The following PCDHA8 variants were observed in gnomAD, a reference collection of about 807,000 sequenced individuals.
PCDHA8 encodes protocadherin alpha 8, also known as protocadherin alpha-8.
In PCDHA8, 53 loss-of-function variants were observed where a neutral mutation model predicts 61.8. The ratio of observed to expected loss-of-function variants is 0.86; its 90% CI spans 0.69 to 1.08. The LOEUF (loss-of-function observed/expected upper bound fraction) is 1.08. Among genes scored for constraint, PCDHA8 ranks in the 50% least tolerant of loss-of-function variants. The pLI, the probability that PCDHA8 is intolerant of heterozygous loss-of-function variation, is 0.00. For synonymous variants in PCDHA8, 618 were observed against 556.6 expected, an observed-to-expected ratio of 1.11 and a Z score of -1.55; for missense variants, 1,293 against 1,245.0, an observed-to-expected ratio of 1.04 and a Z score of -0.58.
intron 1 of PCDHA8, chr5:140,968,417 G>T (rs1459159857): frequency 3.7e-6 from 6 of 1,614,036 alleles, no homozygotes; most frequent in Non-Finnish European, 5.1e-6. Flanking sequence ...GACTGTGGAG[G>T]CTCAGGACAA....
In PCDHA8 at chr5:140,984,898, A is replaced by G. The variant is rs551340383; in HGVS notation, c.2542+2335A>G. ...GTTACCATGAGAACTAAAGGAGAAA[A>G]AAAGAACTGAGCATAGTGCTTGACA... On this transcript the variant is annotated intron_variant, in intron 3 of 3. Transcript: ENST00000531613. Among the ~76,000 whole-genome samples, 21 of 152,282 alleles carry G rather than the reference A, an allele frequency of 1.4e-4. No individual in the cohort carries two copies. The South Asian group carries it at 4.4e-3, about 32-fold the overall frequency.
chr5:141,006,357 G>A (rs1296731156), intron 3 of PCDHA8, among the ~76,000 whole-genome samples: 1 of 151,914 alleles, frequency 6.6e-6, no homozygotes, highest in Middle Eastern at 3.4e-3. Context: ...GACTATAGGC[G>A]CCCACCACCA....
At chr5:140,936,681 T>G (rs781812048) in intron 1 of PCDHA8, among the ~76,000 whole-genome samples, 3 of 152,246 alleles carry the variant, frequency 2.0e-5, no homozygotes, top group African/African-American at 2.4e-5. Flanking sequence ...CTATTCTGTT[T>G]CATTGGTCAA....
chr5:140,855,819 C>T, intron 1 of PCDHA8: 1 of 524,234 alleles, frequency 1.9e-6, no homozygotes, highest in Non-Finnish European at 3.4e-6. Flanking sequence ...AAGTTGTGAA[C>T]TCATGGAATC....
At chr5:140,951,523 G>A (rs868992487) in intron 1 of PCDHA8, among the ~76,000 whole-genome samples, 1 of 151,994 alleles carries the variant, frequency 6.6e-6, no homozygotes, top group Non-Finnish European at 1.5e-5. Context: ...ATCTTACATG[G>A]CCGGTGCAGG....
At chr5:140,925,556 T>C (rs1421287870) in intron 1 of PCDHA8, among the ~76,000 whole-genome samples, 2 of 151,752 alleles carry the variant, frequency 1.3e-5, no homozygotes, top group African/African-American at 4.8e-5. Flanking sequence ...AAATGACAAG[T>C]TAATGGGTGC....
At chr5:140,858,708 T>C in intron 1 of PCDHA8, 1 of 547,182 alleles carries the variant, frequency 1.8e-6, no homozygotes, top group African/African-American at 1.9e-5. Context: ...AAATATGTGA[T>C]ATAGGTTGCA....
At chr5:140,967,198 C>T (rs2096112626) in intron 1 of PCDHA8, 9 of 1,613,662 alleles carry the variant, frequency 5.6e-6, no homozygotes, top group South Asian at 1.1e-5. Flanking sequence ...TCAACGACAA[C>T]TCACCGCGTT....
At chr5:140,880,972 A>G (rs574204364) in intron 1 of PCDHA8, among the ~76,000 whole-genome samples, 94 of 152,374 alleles carry the variant, frequency 6.2e-4, no homozygotes, top group Non-Finnish European at 8.5e-4. Flanking sequence ...AGAGAATACC[A>G]AATACTCTGC....
chr5:140,912,122 C>A (rs1008861945), intron 1 of PCDHA8, among the ~76,000 whole-genome samples: 1 of 152,194 alleles, frequency 6.6e-6, no homozygotes, highest in Admixed American at 6.5e-5. Context: ...GAGGCTAAGT[C>A]AGTCTAATCT....
At chr5:140,976,248 T>G (rs1476905185) in intron 1 of PCDHA8, among the ~76,000 whole-genome samples, 5 of 152,032 alleles carry the variant, frequency 3.3e-5, no homozygotes, top group African/African-American at 9.7e-5. Context: ...TCATGTAAAT[T>G]TATTTAAAAC....
intron 1 of PCDHA8, chr5:140,868,981 G>A: frequency 2.0e-6 from 3 of 1,492,274 alleles, no homozygotes; most frequent in South Asian, 2.8e-5. Flanking sequence ...CATCATACCG[G>A]ATGCCACCGT....
At chr5:141,008,863 C>A (rs902385521) in intron 3 of PCDHA8, among the ~76,000 whole-genome samples, 2 of 152,204 alleles carry the variant, frequency 1.3e-5, no homozygotes, top group African/African-American at 2.4e-5. Flanking sequence ...CTCTTCCATG[C>A]TGCATCCCAC....
At chr5:140,990,129 A>G (rs868941506) in intron 3 of PCDHA8, among the ~76,000 whole-genome samples, 6 of 152,296 alleles carry the variant, frequency 3.9e-5, no homozygotes, top group Middle Eastern at 3.4e-3. Flanking sequence ...TGTAGAAGTC[A>G]GACTCAAGAG....
At position 140,877,488 on chromosome 5, in the gene PCDHA8, C is replaced by G. The variant is rs781785108; in HGVS notation, c.2394+33773C>G. ...CGGTGCTGGTGTCGCTGGTGGAGAA[C>G]GGCCAGGCCCCAAAGACGTCGTCGC... On this transcript the variant is annotated intron_variant, in intron 1 of 3. Transcript: ENST00000531613. 6.2e-6 allele frequency: 10 copies of G among 1,613,856 alleles called. No homozygotes were observed. In the South Asian group the frequency reaches 1.1e-4, roughly 18 times the overall value.
At chr5:140,876,368 CA>C in intron 1 of PCDHA8, 1 of 1,613,904 alleles carries the variant, frequency 6.2e-7, no homozygotes. Flanking sequence ...AATCCAGACA[CA>C]GGTGAAATTA....
At chr5:140,938,631 T>C (rs1554212262) in intron 1 of PCDHA8, among the ~76,000 whole-genome samples, 1 of 152,208 alleles carries the variant, frequency 6.6e-6, no homozygotes. Context: ...AGGTTGCTTA[T>C]GATGTATAAT....
intron 1 of PCDHA8, among the ~76,000 whole-genome samples, chr5:140,942,869 T>C (rs971576222): frequency 6.6e-6 from 1 of 152,088 alleles, no homozygotes; most frequent in African/African-American, 2.4e-5. Context: ...TGCTTTAGCA[T>C]GACAACTTTT....
chr5:140,968,127 C>T (rs1217974732), intron 1 of PCDHA8: 7 of 1,614,064 alleles, frequency 4.3e-6, no homozygotes, highest in Non-Finnish European at 5.9e-6. Context: ...TCCCTGCGTA[C>T]ACTGAAGGTT....
Sources: gnomAD v4.1 joint callset for allele counts (sites outside exome capture counted in the v4.1 genomes callset) on GRCh38, gnomAD v4.1.1 for gene constraint, MANE v1.5 for transcripts, NCBI Gene and HGNC (gene_info 2026-07-23, HGNC 2026-07-21) for gene names.